The following CSTPP1 variants were observed in gnomAD, a reference collection of about 807,000 sequenced individuals.
CSTPP1 encodes UPF0705 protein C11orf49.
the CSTPP1 span, among the ~76,000 whole-genome samples, chr11:47,033,963 TA>T: frequency 8.9e-3 from 1,350 of 152,222 alleles, 18 homozygotes; most frequent in African/African-American, 0.029. Context: ...AAAAGAACTT[TA>T]AAAGGCAGTC....
At chr11:47,039,480 G>GGGGAGA in the CSTPP1 span, among the ~76,000 whole-genome samples, 7 of 126,978 alleles carry the variant, frequency 5.5e-5, no homozygotes, top group African/African-American at 1.5e-4. Flanking sequence ...GGGAGACCGT[G>GGGGAGA]GGGAGAGGGA....
the CSTPP1 span, among the ~76,000 whole-genome samples, chr11:46,959,202 G>GTT: frequency 3.5e-5 from 5 of 142,350 alleles, no homozygotes; most frequent in Admixed American, 7.0e-5. Context: ...TGTTTTATTG[G>GTT]TTTTTTTTTT....
the CSTPP1 span, among the ~76,000 whole-genome samples, chr11:47,152,753 A>C: frequency 6.6e-6 from 1 of 152,192 alleles, no homozygotes. Flanking sequence ...AGCAAGTGGA[A>C]GTTGCTGCTA....
chr11:47,164,185 C>T, the CSTPP1 span: 1 of 1,613,970 alleles, frequency 6.2e-7, no homozygotes, highest in Admixed American at 1.7e-5. Flanking sequence ...AAGCAGGAGG[C>T]CCTGGAGAGA....
At chr11:47,034,103 A>T in the CSTPP1 span, among the ~76,000 whole-genome samples, 3 of 151,036 alleles carry the variant, frequency 2.0e-5, no homozygotes, top group African/African-American at 2.4e-5. Flanking sequence ...GTATAATAAA[A>T]ATATATATAT....
At chr11:46,976,986 C>G in the CSTPP1 span, among the ~76,000 whole-genome samples, 1 of 152,214 alleles carries the variant, frequency 6.6e-6, no homozygotes, top group South Asian at 2.1e-4. Context: ...AAGGACTGGT[C>G]CTCAGCAAGT....
At chr11:47,143,038 A>G in the CSTPP1 span, among the ~76,000 whole-genome samples, 1 of 152,192 alleles carries the variant, frequency 6.6e-6, no homozygotes, top group African/African-American at 2.4e-5. Context: ...CCCACATGGC[A>G]CTGGCTGCAG....
At chr11:47,144,418 G>A in the CSTPP1 span, among the ~76,000 whole-genome samples, 3 of 152,116 alleles carry the variant, frequency 2.0e-5, no homozygotes, top group Non-Finnish European at 2.9e-5. Flanking sequence ...TCGAACTCCT[G>A]ACCTCAAGCG....
chr11:46,980,929 G>A, the CSTPP1 span, among the ~76,000 whole-genome samples: 2 of 152,118 alleles, frequency 1.3e-5, no homozygotes, highest in Non-Finnish European at 1.5e-5. Context: ...ATTAGGCCAA[G>A]GATAGTGAAA....
the CSTPP1 span, among the ~76,000 whole-genome samples, chr11:47,128,523 A>G: frequency 6.6e-6 from 1 of 152,036 alleles, no homozygotes; most frequent in African/African-American, 2.4e-5. Context: ...CTGGGACTAC[A>G]GGCGTGTGCC....
At chr11:47,108,946 AT>A in the CSTPP1 span, 3 of 152,220 alleles carry the variant, frequency 2.0e-5, no homozygotes, top group Admixed American at 6.5e-5. Flanking sequence ...ACCTCAAGTG[AT>A]TCGCCCACCT....
chr11:47,161,543 CG>C, the CSTPP1 span: 2 of 1,614,130 alleles, frequency 1.2e-6, no homozygotes, highest in Non-Finnish European at 1.7e-6. Flanking sequence ...GACCCCTCCC[CG>C]GGTTGGCTCT....
the CSTPP1 span, among the ~76,000 whole-genome samples, chr11:47,050,915 A>G: frequency 6.6e-6 from 1 of 152,212 alleles, no homozygotes; most frequent in East Asian, 1.9e-4. Flanking sequence ...CTCTCCATGA[A>G]AGGAGAAGAG....
chr11:47,136,473 T>C, the CSTPP1 span, among the ~76,000 whole-genome samples: 6 of 152,174 alleles, frequency 3.9e-5, no homozygotes, highest in Non-Finnish European at 7.4e-5. Flanking sequence ...TTTGGCAGTG[T>C]GGTTAGTCAA....
the CSTPP1 span, among the ~76,000 whole-genome samples, chr11:46,998,800 A>C: frequency 1.3e-5 from 2 of 151,714 alleles, no homozygotes; most frequent in Admixed American, 6.6e-5. Context: ...CAGTGGCGCG[A>C]TCTCGGCTCA....
At chr11:46,943,244 A>G in the CSTPP1 span, among the ~76,000 whole-genome samples, 1 of 152,262 alleles carries the variant, frequency 6.6e-6, no homozygotes, top group Admixed American at 6.5e-5. Context: ...AATGCTTTAC[A>G]TATATTGATG....
chr11:47,101,042 A>G, the CSTPP1 span, among the ~76,000 whole-genome samples: 1 of 150,626 alleles, frequency 6.6e-6, no homozygotes, highest in Non-Finnish European at 1.5e-5. Context: ...TCTGTCACCC[A>G]GGTAGGAGTG....
At chr11:47,033,245 C>T in the CSTPP1 span, among the ~76,000 whole-genome samples, 1 of 151,910 alleles carries the variant, frequency 6.6e-6, no homozygotes, top group Non-Finnish European at 1.5e-5. Flanking sequence ...TTTGCCTTTT[C>T]ATGTCTTTAA....
At chr11:47,152,518 C>A in the CSTPP1 span, among the ~76,000 whole-genome samples, 2 of 151,910 alleles carry the variant, frequency 1.3e-5, no homozygotes, top group African/African-American at 2.4e-5. Context: ...AAGGCTTCCG[C>A]GAGGCTGCGA....
Sources: gnomAD v4.1 joint callset for allele counts (sites outside exome capture counted in the v4.1 genomes callset) on GRCh38, gnomAD v4.1.1 for gene constraint, MANE v1.5 for transcripts, NCBI Gene and HGNC (gene_info 2026-07-23, HGNC 2026-07-21) for gene names.